The following FBXL20 variants were observed in gnomAD, a reference collection of about 807,000 sequenced individuals.
The protein encoded by FBXL20 is F-box/LRR-repeat protein 20.
A neutral mutation model predicts 64.0 loss-of-function variants in FBXL20; 11 were observed. The observed-to-expected ratio is 0.17, with a 90% CI of 0.11 to 0.28. The LOEUF is 0.28. Among genes scored for constraint, FBXL20 ranks in the 10% least tolerant of loss-of-function variants. FBXL20 has a pLI of 1.00. For missense variants in FBXL20, 303 were observed against 526.2 expected, an observed-to-expected ratio of 0.58 and a Z score of 4.15; for synonymous variants, 184 against 189.0, an observed-to-expected ratio of 0.97 and a Z score of 0.22.
intron 6 of FBXL20, among the ~76,000 whole-genome samples, chr17:39,289,423 TGAGGCAGGCAGGCTGCTGGAGCCCA>T (rs1159841067): frequency 6.6e-6 from 1 of 152,012 alleles, no homozygotes; most frequent in Non-Finnish European, 1.5e-5. Context: ...TGTGGGAGGC[TGAGGCAGGCAGGCTGCTGGAGCCCA>T]GAGTTTGAGA....
At chr17:39,285,988 A>G (rs667239) in intron 6 of FBXL20, among the ~76,000 whole-genome samples, 40,669 of 152,148 alleles carry the variant, frequency 0.27, 7,392 homozygotes, top group African/African-American at 0.51. Flanking sequence ...TCCCTACTCA[A>G]GATAACCTTT....
chr17:39,334,340 A>T (rs1174125220), intron 2 of FBXL20, among the ~76,000 whole-genome samples: 2 of 152,278 alleles, frequency 1.3e-5, no homozygotes, highest in African/African-American at 4.8e-5. Context: ...TGCGGAAGGC[A>T]GCAGGGCCCA....
intron 2 of FBXL20, among the ~76,000 whole-genome samples, chr17:39,319,108 G>A (rs1567878024): frequency 1.3e-5 from 2 of 151,742 alleles, no homozygotes; most frequent in Non-Finnish European, 2.9e-5. Context: ...AATTAGCTGG[G>A]CATGGTGGAG....
chr17:39,359,752 C>T (rs779422955), intron 1 of FBXL20, among the ~76,000 whole-genome samples: 2 of 152,092 alleles, frequency 1.3e-5, no homozygotes, highest in Admixed American at 6.6e-5. Flanking sequence ...AAAAATTAAA[C>T]AGAATTTTCA....
intron 1 of FBXL20, among the ~76,000 whole-genome samples, chr17:39,373,425 G>A (rs910473056): frequency 7.2e-5 from 11 of 152,120 alleles, no homozygotes; most frequent in African/African-American, 1.4e-4. Context: ...TTAGAACTGC[G>A]GGCTGGGGAT....
intron 2 of FBXL20, among the ~76,000 whole-genome samples, chr17:39,331,689 T>C (rs1333409667): frequency 2.6e-5 from 4 of 152,196 alleles, no homozygotes; most frequent in Non-Finnish European, 5.9e-5. Flanking sequence ...TGTATCCACA[T>C]TAAAGTTTAA....
intron 2 of FBXL20, among the ~76,000 whole-genome samples, chr17:39,327,845 C>A (rs967906945): frequency 6.6e-6 from 1 of 152,044 alleles, no homozygotes; most frequent in Non-Finnish European, 1.5e-5. Context: ...GGACTATAGG[C>A]GCCTGCCACC....
At chr17:39,402,491 G>A, upstream of FBXL20, 1 of 331,288 alleles carries the variant, frequency 3.0e-6, no homozygotes, top group Non-Finnish European at 5.5e-6. Context: ...GGTCGGGGGT[G>A]CAGGGCTGGA....
intron 2 of FBXL20, among the ~76,000 whole-genome samples, chr17:39,317,689 G>GTTTTT (rs756785816): frequency 1.5e-4 from 7 of 47,130 alleles, no homozygotes; most frequent in Non-Finnish European, 2.0e-4. Context: ...TTTTTTTTTT[G>GTTTTT]TTTTTTTTTT....
intron 5 of FBXL20, among the ~76,000 whole-genome samples, chr17:39,297,895 C>A (rs1237265442): frequency 6.6e-6 from 1 of 151,906 alleles, no homozygotes; most frequent in African/African-American, 2.4e-5. Context: ...ACCACCATGC[C>A]CAACTAAGTT....
At chr17:39,282,900 T>C (rs1193485203) in intron 7 of FBXL20, 45 bp from the exon 8 acceptor site, 7 of 1,605,640 alleles carry the variant, frequency 4.4e-6, no homozygotes, top group Non-Finnish European at 6.0e-6. Flanking sequence ...TAAATCCAAT[T>C]CCAAAAACAC....
At chr17:39,308,469 T>C (rs938172032) in intron 2 of FBXL20, among the ~76,000 whole-genome samples, 3 of 151,686 alleles carry the variant, frequency 2.0e-5, no homozygotes, top group African/African-American at 7.3e-5. Flanking sequence ...TGCTTTGGCC[T>C]GGGCAACAGA....
At chr17:39,293,611 A>G (rs1181223595) in intron 6 of FBXL20, among the ~76,000 whole-genome samples, 1 of 152,136 alleles carries the variant, frequency 6.6e-6, no homozygotes, top group Non-Finnish European at 1.5e-5. Flanking sequence ...ATCTTTCTGG[A>G]GTCTTTATTG....
chr17:39,254,137 G>T lies in FBXL20; in HGVS notation c.*7323C>A, dbSNP rs2046674482. ...CCGTTGCCCAGGCTGGAGTGCAGTG[G>T]CGTGATCTCGGCTCACTGCAACATC... On this transcript the variant is annotated 3_prime_UTR_variant, in exon 15 of 15. Transcript: ENST00000264658. 6.6e-6 allele frequency: 1 copy of T among 152,206 alleles called. No homozygotes were observed. Among genetic ancestry groups the T allele is most frequent in the African/African-American group, 2.4e-5 (1 of 41,448 alleles). The allele number at this position is 152,206 out of a possible 1,614,324, so 9.4% of individuals were successfully genotyped here. A position where few individuals can be genotyped will look rare whatever the true frequency, so the allele number is the denominator to read the frequency against.
chr17:39,273,003 C>A (rs1046918808), intron 10 of FBXL20, among the ~76,000 whole-genome samples: 2 of 152,084 alleles, frequency 1.3e-5, no homozygotes, highest in Non-Finnish European at 2.9e-5. Context: ...GGTGTATGTT[C>A]TCTTAAGAAA....
At chr17:39,333,137 TCTCCCTCTCCCTC>T (rs1248928176) in intron 2 of FBXL20, among the ~76,000 whole-genome samples, 7 of 151,626 alleles carry the variant, frequency 4.6e-5, no homozygotes, top group African/African-American at 9.7e-5. Context: ...CAGCTCTCCC[TCTCCCTCTCCCTC>T]CTCCCTCTCC....
intron 2 of FBXL20, among the ~76,000 whole-genome samples, chr17:39,306,831 G>A (rs191542775): frequency 6.6e-6 from 1 of 152,110 alleles, no homozygotes; most frequent in Non-Finnish European, 1.5e-5. Context: ...CCATGTAAGG[G>A]ACTGTTTAAA....
At chr17:39,370,940 C>T (rs780951174) in intron 1 of FBXL20, among the ~76,000 whole-genome samples, 3 of 152,002 alleles carry the variant, frequency 2.0e-5, no homozygotes, top group Non-Finnish European at 4.4e-5. Context: ...TTTGTCAGAC[C>T]GAGGGTGTTG....
At chr17:39,268,547 C>T (rs955352758) in intron 12 of FBXL20, among the ~76,000 whole-genome samples, 2 of 152,090 alleles carry the variant, frequency 1.3e-5, no homozygotes, top group East Asian at 1.9e-4. Context: ...AGCATCATAA[C>T]TCTACAGGTC....
Sources: allele counts gnomAD v4.1 joint callset (sites outside exome capture counted in the v4.1 genomes callset), GRCh38; gene constraint gnomAD v4.1.1; transcripts MANE v1.5; gene names NCBI Gene and HGNC (gene_info 2026-07-23, HGNC 2026-07-21).